RALA: variants seen among roughly 807,000 people sequenced by gnomAD.
The protein encoded by RALA is ras-related protein Ral-A.
Under a neutral mutation model 24.0 loss-of-function variants are expected in RALA, and 5 were observed. The observed-to-expected ratio is 0.21, with a 90% confidence interval of 0.11 to 0.44. The LOEUF (loss-of-function observed/expected upper bound fraction) is 0.44. Among genes scored for constraint, RALA ranks in the 20% least tolerant of loss-of-function variants. The pLI is 0.99. For missense variants in RALA, 95 were observed against 241.2 expected (o/e 0.39, Z 4.01); for synonymous variants, 77 against 83.8 (o/e 0.92, Z 0.44).
At chr7:39,690,817 T>G (rs1792802696) in intron 3 of RALA, among the ~76,000 whole-genome samples, 1 of 152,196 alleles carries the variant, frequency 6.6e-6, no homozygotes, top group African/African-American at 2.4e-5. Flanking sequence ...TGTATTGGAG[T>G]TTGATTTTGT....
chr7:39,700,876 A>C (rs909259190), intron 4 of RALA: 2 of 152,252 alleles, frequency 1.3e-5, no homozygotes, highest in African/African-American at 4.8e-5. Flanking sequence ...AAAGTACCTC[A>C]GTGGCTACAT....
At chr7:39,702,201 GA>G (rs1363946307) in intron 4 of RALA, among the ~76,000 whole-genome samples, 1 of 152,010 alleles carries the variant, frequency 6.6e-6, no homozygotes, top group Admixed American at 6.6e-5. Flanking sequence ...ACATAAGGAG[GA>G]AAAATGAGTC....
intron 1 of RALA, among the ~76,000 whole-genome samples, chr7:39,637,747 C>T (rs761818965): frequency 2.0e-5 from 3 of 152,150 alleles, no homozygotes; most frequent in Non-Finnish European, 2.9e-5. Flanking sequence ...CATTTCAAAC[C>T]TATAGAAAAG....
At chr7:39,661,486 C>T (rs987139658) in intron 1 of RALA, among the ~76,000 whole-genome samples, 1 of 152,218 alleles carries the variant, frequency 6.6e-6, no homozygotes, top group Admixed American at 6.5e-5. Context: ...TAAATGCACC[C>T]ATTCCAAATG....
chr7:39,673,312 T>G (rs982565773), intron 1 of RALA, among the ~76,000 whole-genome samples: 5 of 152,324 alleles, frequency 3.3e-5, no homozygotes, highest in African/African-American at 7.2e-5. Context: ...ATCATGAAGA[T>G]ATTTTTAATT....
intron 1 of RALA, among the ~76,000 whole-genome samples, chr7:39,639,941 C>A (rs1408415420): frequency 6.6e-6 from 1 of 152,098 alleles, no homozygotes; most frequent in Non-Finnish European, 1.5e-5. Context: ...AAAACCGAAT[C>A]ATGATGAACC....
intron 4 of RALA, chr7:39,700,476 C>T (rs1793007663): frequency 6.6e-6 from 1 of 152,298 alleles, no homozygotes; most frequent in African/African-American, 2.4e-5. Context: ...GTTTAGGCTT[C>T]CTCACAGCAC....
intron 1 of RALA, among the ~76,000 whole-genome samples, chr7:39,654,234 CAAA>C (rs1792062396): frequency 6.6e-6 from 1 of 152,156 alleles, no homozygotes; most frequent in African/African-American, 2.4e-5. Flanking sequence ...AATATGTTAT[CAAA>C]TATGCATTAA....
intron 1 of RALA, among the ~76,000 whole-genome samples, chr7:39,668,343 G>A (rs1316946703): frequency 6.6e-6 from 1 of 152,132 alleles, no homozygotes; most frequent in Non-Finnish European, 1.5e-5. Context: ...TCTATCTCAT[G>A]GAAAGTACTT....
chr7:39,688,692 GCCTT>G (rs775135611), intron 2 of RALA, among the ~76,000 whole-genome samples: 18 of 151,200 alleles, frequency 1.2e-4, no homozygotes, highest in Non-Finnish European at 2.5e-4. Context: ...TCCCATTTCA[GCCTT>G]CCAAGTAGCT....
rs138122822 is a variant in RALA, at chr7:39,670,601, C to T, written c.-37-16030C>T. On this transcript the variant is annotated intron_variant, in intron 1 of 4. Coordinates refer to ENST00000005257, the MANE Select transcript of RALA (RefSeq NM_005402.4). ...ATTAGCATAGGAATATGGAAGCACA[C>T]ATATATCTTTGCAATTAATTATTAA... Among the ~76,000 whole-genome samples, 424 of 152,322 alleles carry T rather than the reference C, an allele frequency of 2.8e-3. 2 individuals carry two copies. The highest frequency in any genetic ancestry group is 9.7e-3 in the African/African-American group (403 of 41,560).
chr7:39,689,654 C>T (rs1165146566), intron 2 of RALA, among the ~76,000 whole-genome samples: 2 of 152,210 alleles, frequency 1.3e-5, no homozygotes, highest in African/African-American at 2.4e-5. Flanking sequence ...TGGTGGCTCA[C>T]ACCTGTGATC....
chr7:39,644,022 GA>G (rs1443628260), intron 1 of RALA, among the ~76,000 whole-genome samples: 23 of 152,268 alleles, frequency 1.5e-4, no homozygotes, highest in African/African-American at 5.3e-4. Context: ...CAGGTCCTCA[GA>G]AATCTTTTAA....
intron 4 of RALA, among the ~76,000 whole-genome samples, chr7:39,698,272 A>G (rs1196414313): frequency 6.6e-6 from 1 of 152,166 alleles, no homozygotes; most frequent in East Asian, 1.9e-4. Context: ...GTTTCAGTAT[A>G]TGAATTTTGG....
intron 1 of RALA, among the ~76,000 whole-genome samples, chr7:39,659,572 C>A (rs1432458060): frequency 6.6e-6 from 1 of 152,096 alleles, no homozygotes; most frequent in Non-Finnish European, 1.5e-5. Context: ...CTACATGATT[C>A]GTAATTTTAT....
At chr7:39,702,653 A>G (rs562587656) in intron 4 of RALA, among the ~76,000 whole-genome samples, 1 of 152,370 alleles carries the variant, frequency 6.6e-6, no homozygotes, top group East Asian at 1.9e-4. Context: ...AATGTGATAG[A>G]TATACACTAT....
chr7:39,675,426 C>T (rs563629572), intron 1 of RALA, among the ~76,000 whole-genome samples: 178 of 152,234 alleles, frequency 1.2e-3, no homozygotes, highest in African/African-American at 3.8e-3. Context: ...GATACTTGTT[C>T]TTCTGTCAGT....
chr7:39,684,214 C>G (rs971350862), intron 1 of RALA, among the ~76,000 whole-genome samples: 1 of 152,172 alleles, frequency 6.6e-6, no homozygotes, highest in Admixed American at 6.5e-5. Flanking sequence ...AAATTGAACT[C>G]TTAGCCTGTA....
intron 1 of RALA, among the ~76,000 whole-genome samples, chr7:39,676,423 A>G (rs1054937599): frequency 6.6e-6 from 1 of 152,214 alleles, no homozygotes; most frequent in Non-Finnish European, 1.5e-5. Context: ...TTTATCTGAA[A>G]TGCCTGGGAT....
Sources: gnomAD v4.1 joint callset for allele counts (sites outside exome capture counted in the v4.1 genomes callset) on GRCh38, gnomAD v4.1.1 for gene constraint, MANE v1.5 for transcripts, NCBI Gene and HGNC (gene_info 2026-07-23, HGNC 2026-07-21) for gene names.